SORD: variants seen among roughly 807,000 people sequenced by gnomAD.
SORD encodes the protein sorbitol dehydrogenase, also known as (R,R)-butanediol dehydrogenase.
A neutral mutation model predicts 35.6 loss-of-function variants in SORD; 18 were observed. That is an observed-to-expected ratio of 0.51 (90% CI 0.35 to 0.75). SORD has a LOEUF of 0.75. Among genes scored for constraint, SORD ranks in the 30% least tolerant of loss-of-function variants. The pLI is 0.01. For missense variants in SORD, 250 were observed against 390.2 expected, an observed-to-expected ratio of 0.64 and a Z score of 3.03; for synonymous variants, 106 against 152.9, an observed-to-expected ratio of 0.69 and a Z score of 2.26.
intron 3 of SORD, among the ~76,000 whole-genome samples, chr15:45,048,832 A>G (rs1893084795): frequency 6.6e-6 from 1 of 152,198 alleles, no homozygotes; most frequent in Admixed American, 6.5e-5. Flanking sequence ...AGTTGAATAC[A>G]AAGGTTTTTA....
At chr15:45,035,017 G>A (rs1892839623) in intron 1 of SORD, among the ~76,000 whole-genome samples, 1 of 152,144 alleles carries the variant, frequency 6.6e-6, no homozygotes. Flanking sequence ...CCCCAGCAGT[G>A]CCGGCCCGCC....
chr15:45,059,669 ATT>A (rs939210004), intron 3 of SORD, among the ~76,000 whole-genome samples: 1 of 151,996 alleles, frequency 6.6e-6, no homozygotes, highest in East Asian at 1.9e-4. Flanking sequence ...AATTAAAAAA[ATT>A]TTTTTTGTAA....
chr15:45,068,548 T>C (rs971600230), intron 6 of SORD, among the ~76,000 whole-genome samples: 2 of 151,712 alleles, frequency 1.3e-5, no homozygotes, highest in African/African-American at 4.9e-5. Flanking sequence ...TTGGGCCACA[T>C]TGGAAGAATG....
At chr15:45,054,093 T>C (rs11070440) in intron 3 of SORD, among the ~76,000 whole-genome samples, 145,127 of 149,836 alleles carry the variant, frequency 0.97, 70,355 homozygotes, top group Non-Finnish European at 0.99. Flanking sequence ...TGAATAGTGC[T>C]GCAATAAACA....
chr15:45,035,051 G>A (rs981678282), intron 1 of SORD, among the ~76,000 whole-genome samples: 3 of 152,164 alleles, frequency 2.0e-5, no homozygotes, highest in African/African-American at 4.8e-5. Context: ...ATTTCTCGCC[G>A]GGCCTTAGCT....
intron 3 of SORD, among the ~76,000 whole-genome samples, chr15:45,059,873 A>T (rs757030066): frequency 6.6e-6 from 1 of 152,224 alleles, no homozygotes; most frequent in Non-Finnish European, 1.5e-5. Context: ...TCAAAAGAGT[A>T]TCTACTGTAT....
intron 4 of SORD, among the ~76,000 whole-genome samples, chr15:45,061,848 A>G (rs571136110): frequency 3.7e-4 from 57 of 152,066 alleles, no homozygotes; most frequent in African/African-American, 6.3e-4. Flanking sequence ...CAGCCTGGGC[A>G]ACAGACCGAG....
At chr15:45,071,652 C>G (rs1372966133) in intron 7 of SORD, among the ~76,000 whole-genome samples, 7 of 151,618 alleles carry the variant, frequency 4.6e-5, no homozygotes, top group Admixed American at 4.6e-4. Context: ...CTGGAACAAG[C>G]ACAGCACTCA....
chr15:45,051,824 T>C (rs755325826), intron 3 of SORD, among the ~76,000 whole-genome samples: 7 of 152,228 alleles, frequency 4.6e-5, no homozygotes, highest in African/African-American at 7.2e-5. Context: ...TACAAATTTT[T>C]GTTAAGGAGC....
intron 3 of SORD, among the ~76,000 whole-genome samples, chr15:45,055,633 C>G (rs1267068056): frequency 6.6e-6 from 1 of 152,208 alleles, no homozygotes; most frequent in African/African-American, 2.4e-5. Flanking sequence ...CTCCCTAACT[C>G]ATTTTATGAG....
chr15:45,065,978 C>T lies in SORD; in HGVS notation c.544+589C>T, dbSNP rs569628026. On this transcript the variant is annotated intron_variant, in intron 5 of 8. Transcript: ENST00000267814. ...ACAAAAAGAATGAATCTGGGCCAGG[C>T]GGGGTAGCTCATCTCAGCACTTTGG... is the stretch of plus-strand genomic sequence containing the variant. Among the ~76,000 whole-genome samples, 186 of 151,854 alleles carry T rather than the reference C, an allele frequency of 1.2e-3. 1 individual carries two copies. Among genetic ancestry groups the T allele is most frequent in the South Asian group, 2.3e-3 (11 of 4,812 alleles).
At chr15:45,039,358 C>A (rs1410929493) in intron 1 of SORD, among the ~76,000 whole-genome samples, 6 of 152,184 alleles carry the variant, frequency 3.9e-5, no homozygotes, top group Non-Finnish European at 8.8e-5. Context: ...AAACTCCTGA[C>A]CTCAAGTGAT....
In SORD at chr15:45,065,313, G is replaced by T. The variant is rs2959896; in HGVS notation, c.468G>T (p.Glu156Asp). ...NVTFEEGALI[E>D]PLSVGIHACR... ...CCTTTGAGGAAGGCGCCCTGATCGA[G>T]CCACTTTCTGTGGGGATCCATGCCT... The change falls in exon 5 of 9, where the codon GAG (glutamate) becomes GAT (aspartate). Residue 156 changes from glutamate (E) to aspartate (D), a missense_variant. Glu to Asp is a conservative substitution (Grantham distance 45). Around this residue, in one of 8 missense-constraint regions of SORD, gnomAD observed 126 missense variants for 148.7 expected, o/e 0.85. Transcript: ENST00000267814. 2.6e-5 allele frequency: 42 copies of T among 1,613,790 alleles called. No homozygotes were observed. Among genetic ancestry groups the T allele is most frequent in the Admixed American group, 1.7e-4 (10 of 59,994 alleles).
chr15:45,065,524 A>G, intron 5 of SORD, 135 bp downstream of exon 5: 1 of 1,407,202 alleles, frequency 7.1e-7, no homozygotes, highest in Non-Finnish European at 9.5e-7. Context: ...GCAGTGTCCC[A>G]TTCCCTCAGT....
At chr15:45,064,393 T>A (rs1426157277) in intron 4 of SORD, among the ~76,000 whole-genome samples, 1 of 152,326 alleles carries the variant, frequency 6.6e-6, no homozygotes, top group East Asian at 1.9e-4. Context: ...CTGCCTAACA[T>A]GGTTTTCATG....
intron 2 of SORD, chr15:45,041,625 G>T (rs1488298611): frequency 6.6e-6 from 1 of 152,206 alleles, no homozygotes; most frequent in African/African-American, 2.4e-5. Flanking sequence ...TATAGTTAGG[G>T]TTCAAGGATT....
At chr15:45,039,731 C>A (rs1488144512) in intron 1 of SORD, among the ~76,000 whole-genome samples, 1 of 152,206 alleles carries the variant, frequency 6.6e-6, no homozygotes, top group African/African-American at 2.4e-5. Flanking sequence ...AGTCTTTGTG[C>A]TGATGTAAAG....
intron 5 of SORD, among the ~76,000 whole-genome samples, chr15:45,067,793 C>T (rs1294300182): frequency 2.6e-5 from 4 of 152,070 alleles, no homozygotes; most frequent in Non-Finnish European, 4.4e-5. Flanking sequence ...TGGGTTCTCA[C>T]AAAGGTAGGG....
rs139327543 is a variant in SORD at position 45,051,497 on chromosome 15, G to A, written c.265+8076G>A. On this transcript the variant is annotated intron_variant, in intron 3 of 8. Coordinates refer to ENST00000267814, the MANE Select transcript of SORD (RefSeq NM_003104.6). ...GGGGGAGCCTGTTAAATATGTTAGC[G>A]GTTCAAAGCACTTGATATTATGAAG... 8.5e-5 allele frequency among the ~76,000 whole-genome samples: 13 copies of A among 152,192 alleles called. No homozygotes were observed. In the East Asian group the frequency reaches 1.5e-3, roughly 18 times the overall value.
Sources: allele counts gnomAD v4.1 joint callset (sites outside exome capture counted in the v4.1 genomes callset), GRCh38; gene constraint gnomAD v4.1.1; regional missense constraint gnomAD v4.1.1; transcripts MANE v1.5; gene names NCBI Gene and HGNC (gene_info 2026-07-23, HGNC 2026-07-21).